Variants in NDUFA10 observed in about 807,000 individuals in gnomAD.
NDUFA10 encodes NADH dehydrogenase [ubiquinone] 1 alpha subcomplex subunit 10, mitochondrial.
In NDUFA10, 40 loss-of-function variants were observed where a neutral mutation model predicts 47.8. That is an observed-to-expected ratio of 0.84 (90% confidence interval 0.65 to 1.09). NDUFA10 has a LOEUF of 1.09. NDUFA10 is among the 50% of genes least tolerant of loss of function. The probability of loss-of-function intolerance (pLI) is 0.00; values close to 1 mark genes in which losing one functional copy is unlikely to be tolerated. For synonymous variants in NDUFA10, 183 were observed against 172.2 expected (o/e 1.06, Z -0.49); for missense variants, 413 against 451.1 (o/e 0.92, Z 0.76).
chr2:239,946,871 C>T (rs1694462267), intron 4 of NDUFA10, among the ~76,000 whole-genome samples: 1 of 152,240 alleles, frequency 6.6e-6, no homozygotes. Flanking sequence ...TGCTGTGTGT[C>T]TTTGATGTCC....
chr2:239,968,863 C>A (rs370027772), intron 9 of NDUFA10, among the ~76,000 whole-genome samples: 1 of 152,182 alleles, frequency 6.6e-6, no homozygotes, highest in Non-Finnish European at 1.5e-5. Flanking sequence ...AGGGGCCTCT[C>A]GCTGCACGCA....
At chr2:239,973,674 A>C (rs1332695634) in intron 9 of NDUFA10, 1 of 457,048 alleles carries the variant, frequency 2.2e-6, no homozygotes, top group Non-Finnish European at 4.5e-6. Flanking sequence ...GGTAAAATAG[A>C]AACCAAATCA....
At position 239,990,150 on chromosome 2, in the gene NDUFA10, G is replaced by C; in HGVS notation, c.923C>G (p.Thr308Arg). ...TTCCGGGAGAAAGATAGGAATGCTT[G>C]TGTAATTCAGCACCTCAAACTTATC... is the stretch of plus-strand genomic sequence containing the variant. ...VQDKFEVLNY[T>R]SIPIFLPEVT... The change falls in exon 9 of 10, where the codon ACA becomes AGA. Residue 308 changes from threonine (T) to arginine (R), a missense_variant. Coordinates refer to ENST00000252711, the MANE Select transcript of NDUFA10 (RefSeq NM_004544.4). The C allele has an allele frequency of 6.2e-7, 1 of 1,613,888 alleles. No individual in the cohort carries two copies. Among genetic ancestry groups the C allele is most frequent in the Non-Finnish European group, 8.5e-7 (1 of 1,179,822 alleles).
intron 4 of NDUFA10, among the ~76,000 whole-genome samples, chr2:239,897,789 C>A (rs368306860): frequency 8.6e-4 from 131 of 152,342 alleles, no homozygotes; most frequent in African/African-American, 3.1e-3. Context: ...GGAGGTCACT[C>A]AGCCCCCAGA....
At chr2:239,925,885 T>C (rs1694056143) in intron 4 of NDUFA10, among the ~76,000 whole-genome samples, 1 of 152,150 alleles carries the variant, frequency 6.6e-6, no homozygotes, top group African/African-American at 2.4e-5. Flanking sequence ...ATATACAGAT[T>C]AGCACATGAA....
chr2:240,009,940 C>T (rs942998675), intron 6 of NDUFA10, among the ~76,000 whole-genome samples: 2 of 152,148 alleles, frequency 1.3e-5, no homozygotes, highest in African/African-American at 4.8e-5. Flanking sequence ...CTCCTGAATT[C>T]TAAAATGCTA....
chr2:239,938,846 C>T (rs1694312196), intron 4 of NDUFA10, among the ~76,000 whole-genome samples: 1 of 147,478 alleles, frequency 6.8e-6, no homozygotes, highest in South Asian at 2.1e-4. Flanking sequence ...AGCATCGGTG[C>T]ACAAGTGCAT....
intron 4 of NDUFA10, among the ~76,000 whole-genome samples, chr2:239,915,977 C>CA (rs1553555296): frequency 3.4e-5 from 5 of 148,408 alleles, no homozygotes; most frequent in East Asian, 2.0e-4. Flanking sequence ...CATACACACA[C>CA]ACACACACCC....
At chr2:239,999,293 T>C (rs1176929215) in intron 8 of NDUFA10, among the ~76,000 whole-genome samples, 1 of 152,190 alleles carries the variant, frequency 6.6e-6, no homozygotes, top group African/African-American at 2.4e-5. Context: ...GACCGTCCTC[T>C]GCATTCTCTG....
At chr2:240,008,445 C>T (rs1488968213) in intron 6 of NDUFA10, among the ~76,000 whole-genome samples, 1 of 152,208 alleles carries the variant, frequency 6.6e-6, no homozygotes. Context: ...GCTTCCTGAA[C>T]CTCTACAGCT....
intron 6 of NDUFA10, among the ~76,000 whole-genome samples, chr2:240,008,042 A>T (rs1697012969): frequency 6.6e-6 from 1 of 152,206 alleles, no homozygotes; most frequent in Non-Finnish European, 1.5e-5. Context: ...AACAAACTTC[A>T]CCAACTCTGC....
rs148190488 is a variant in NDUFA10 at position 239,899,263 on chromosome 2, G to A, written c.295-3949C>T. ...CGGAGGGGTGTGATGGAGAGGTGTG[G>A]TGGAGGGGTGTGACGGAGGGGTGTG... On this transcript the variant is annotated intron_variant, in intron 4 of 5. Coordinates refer to the NDUFA10 transcript ENST00000419408. Among the ~76,000 whole-genome samples, 9 of 916 alleles carry A rather than the reference G, an allele frequency of 9.8e-3. 3 individuals are homozygous for A. In the Non-Finnish European group the frequency reaches 0.2, roughly 20 times the overall value. The allele number at this position is 916 out of a possible 152,430, so 0.6% of individuals were successfully genotyped here. A position where few individuals can be genotyped will look rare whatever the true frequency, so the allele number is the denominator to read the frequency against.
intron 4 of NDUFA10, among the ~76,000 whole-genome samples, chr2:239,924,649 G>A (rs1694040369): frequency 2.0e-5 from 3 of 152,124 alleles, no homozygotes; most frequent in African/African-American, 2.4e-5. Context: ...TCATTAAGAA[G>A]TTGGAGATGT....
rs1298248656 is a variant in NDUFA10, at chr2:239,961,119, C to T, written c.1067G>A (p.Ter356=). 3 of 1,614,206 alleles carry T rather than the reference C, an allele frequency of 1.9e-6. No individual in the cohort carries two copies. Among genetic ancestry groups the T allele is most frequent in the Non-Finnish European group, 1.7e-6 (2 of 1,180,056 alleles). Residue 356 remains the stop codon, a stop_retained_variant, in exon 10 of 10, where the codon TGA becomes TAA. Coordinates refer to ENST00000252711, the MANE Select transcript of NDUFA10 (RefSeq NM_004544.4). Reference sequence around the variant, plus strand: ...CAGCTGGAGCAGAAGGCGGCCCGTTCACTTCAGCCAGATCCACTTGTCTCC... The same window carrying T: ...CAGCTGGAGCAGAAGGCGGCCCGTTTACTTCAGCCAGATCCACTTGTCTCC... ...EVGDKWIWLK[*]
chr2:239,915,797 TACAG>T (rs1381747663), intron 4 of NDUFA10, among the ~76,000 whole-genome samples: 10 of 134,116 alleles, frequency 7.5e-5, no homozygotes, highest in East Asian at 2.3e-4. Context: ...AATATATAAA[TACAG>T]ACAGAGAGAC....
At chr2:239,947,178 G>T (rs1272240333) in intron 4 of NDUFA10, among the ~76,000 whole-genome samples, 1 of 152,216 alleles carries the variant, frequency 6.6e-6, no homozygotes, top group African/African-American at 2.4e-5. Flanking sequence ...GCCATCTGGG[G>T]CCGTCCCGCC....
chr2:240,015,009 GCACTGAC>G lies in NDUFA10; in HGVS notation c.548-156_548-150del, dbSNP rs1018942199. 2.5e-6 allele frequency: 3 copies of G among 1,199,420 alleles called. No individual in the cohort carries two copies. In the African/African-American group the frequency reaches 4.5e-5, roughly 18 times the overall value. 74.3% of individuals were successfully genotyped at this position (1,199,420 alleles called of 1,614,324 possible). Reference sequence around the variant, plus strand: ...AACCCTATCTCGGTCACAGTTCTAAGCACTGACCACACACATGGCATGTGACTGTGCT... The same window carrying G: ...AACCCTATCTCGGTCACAGTTCTAAGCACACACATGGCATGTGACTGTGCT... On this transcript the variant is annotated intron_variant, in intron 4 of 9. Transcript: ENST00000252711.
In NDUFA10 at chr2:239,935,423, C is replaced by T. The variant is rs114497953; in HGVS notation, c.295-40109G>A. 2.5e-3 allele frequency among the ~76,000 whole-genome samples: 388 copies of T among 152,340 alleles called. 1 individual carries two copies. The highest frequency in any genetic ancestry group is 8.9e-3 in the African/African-American group (368 of 41,562). On this transcript the variant is annotated intron_variant, in intron 4 of 5. Coordinates refer to the NDUFA10 transcript ENST00000419408. ...CCTGGGCCCTGCAGGCCGACAGGGCCGTGTGGGGGTCAGAGATCGGGCCTC... is the reference window on the plus strand; with the variant it reads ...CCTGGGCCCTGCAGGCCGACAGGGCTGTGTGGGGGTCAGAGATCGGGCCTC...
At chr2:239,984,650 C>T (rs930098821) in intron 9 of NDUFA10, among the ~76,000 whole-genome samples, 1 of 152,212 alleles carries the variant, frequency 6.6e-6, no homozygotes, top group Non-Finnish European at 1.5e-5. Flanking sequence ...CATCTGTCCC[C>T]TCCTGAACAA....
Sources: allele counts gnomAD v4.1 joint callset (sites outside exome capture counted in the v4.1 genomes callset), GRCh38; gene constraint gnomAD v4.1.1; transcripts MANE v1.5; gene names NCBI Gene and HGNC (gene_info 2026-07-23, HGNC 2026-07-21).